Variants in CHN2 observed in about 807,000 individuals in gnomAD.
The protein encoded by CHN2 is beta-chimaerin.
In CHN2, 35 loss-of-function variants were observed where a neutral mutation model predicts 56.3. The ratio of observed to expected loss-of-function variants is 0.62; its 90% CI spans 0.47 to 0.82. The LOEUF (loss-of-function observed/expected upper bound fraction) is 0.82, where lower values mean the gene tolerates loss of function less well. CHN2 is among the 40% of genes least tolerant of loss of function. The pLI, the probability that CHN2 is intolerant of heterozygous loss-of-function variation, is 0.00. For synonymous variants in CHN2, 210 were observed against 212.8 expected, an observed-to-expected ratio of 0.99 and a Z score of 0.12; for missense variants, 491 against 580.5, an observed-to-expected ratio of 0.85 and a Z score of 1.58.
chr7:29,164,786 A>G (rs1795684776), intron 2 of CHN2, among the ~76,000 whole-genome samples: 1 of 151,458 alleles, frequency 6.6e-6, no homozygotes, highest in Admixed American at 6.6e-5. Flanking sequence ...TCTCAAAAAA[A>G]AAAAAAAAAA....
intron 5 of CHN2, 111 bp downstream of exon 5, chr7:29,398,597 T>C (rs1220354573): frequency 5.7e-6 from 4 of 701,850 alleles, no homozygotes; most frequent in Non-Finnish European, 9.8e-6. Flanking sequence ...TCATCATTTT[T>C]CCCATGTTTA....
intron 6 of CHN2, among the ~76,000 whole-genome samples, chr7:29,461,724 C>T (rs1785172434): frequency 6.6e-6 from 1 of 152,106 alleles, no homozygotes; most frequent in African/African-American, 2.4e-5. Context: ...ACTCTGGATG[C>T]CCAGAGCCTA....
At chr7:29,198,262 C>T (rs888213219) in intron 1 of CHN2, among the ~76,000 whole-genome samples, 3 of 152,110 alleles carry the variant, frequency 2.0e-5, no homozygotes, top group African/African-American at 4.8e-5. Flanking sequence ...GGAATAGCTG[C>T]GGGAGATTTA....
intron 4 of CHN2, among the ~76,000 whole-genome samples, chr7:29,394,833 C>G (rs1326385597): frequency 6.6e-6 from 1 of 152,130 alleles, no homozygotes; most frequent in Non-Finnish European, 1.5e-5. Context: ...TATGCATTTT[C>G]TTTTTGCAGA....
At chr7:29,458,289 C>G (rs1585463364) in intron 6 of CHN2, among the ~76,000 whole-genome samples, 1 of 152,080 alleles carries the variant, frequency 6.6e-6, no homozygotes, top group East Asian at 1.9e-4. Context: ...CCATTTGAAT[C>G]TCTGAACTAT....
chr7:29,437,134 A>G (rs1408980366), intron 6 of CHN2, among the ~76,000 whole-genome samples: 1 of 152,076 alleles, frequency 6.6e-6, no homozygotes, highest in Non-Finnish European at 1.5e-5. Flanking sequence ...TAAATTTTAA[A>G]TTTTTCAGTA....
intron 1 of CHN2, among the ~76,000 whole-genome samples, chr7:29,217,302 A>G (rs1239452165): frequency 6.6e-6 from 1 of 152,224 alleles, no homozygotes; most frequent in Non-Finnish European, 1.5e-5. Context: ...GTAATTATGT[A>G]AGACTCAGCA....
intron 6 of CHN2, among the ~76,000 whole-genome samples, chr7:29,455,870 C>A (rs1253770255): frequency 2.0e-5 from 3 of 152,168 alleles, no homozygotes; most frequent in Non-Finnish European, 4.4e-5. Context: ...AGCCCCACTC[C>A]TCAGCTCACC....
chr7:29,422,142 A>AT (rs1046979552), intron 6 of CHN2, among the ~76,000 whole-genome samples: 1 of 152,100 alleles, frequency 6.6e-6, no homozygotes, highest in African/African-American at 2.4e-5. Context: ...CCAAGTGAGG[A>AT]TTTTTTTAAT....
chr7:29,279,002 C>T (rs576002851), intron 1 of CHN2, among the ~76,000 whole-genome samples: 1 of 152,156 alleles, frequency 6.6e-6, no homozygotes, highest in Non-Finnish European at 1.5e-5. Context: ...GCTGTCCCCC[C>T]CCAACCCCCA....
At chr7:29,496,733 C>T (rs181629589) in intron 8 of CHN2, among the ~76,000 whole-genome samples, 1 of 152,244 alleles carries the variant, frequency 6.6e-6, no homozygotes, top group African/African-American at 2.4e-5. Flanking sequence ...AGGTATACAC[C>T]TATTGCTAAC....
At chr7:29,231,149 T>A (rs781514038) in intron 1 of CHN2, among the ~76,000 whole-genome samples, 5 of 152,150 alleles carry the variant, frequency 3.3e-5, no homozygotes, top group Non-Finnish European at 7.3e-5. Flanking sequence ...TGTGCTTGCT[T>A]TGGGGAAAAA....
intron 1 of CHN2, among the ~76,000 whole-genome samples, chr7:29,296,026 C>T (rs924771827): frequency 1.6e-4 from 25 of 151,732 alleles, no homozygotes; most frequent in Non-Finnish European, 3.5e-4. Context: ...GTTGTAGCTG[C>T]GAAGCCCTAG....
intron 1 of CHN2, among the ~76,000 whole-genome samples, chr7:29,226,219 A>G (rs902773353): frequency 3.3e-5 from 5 of 152,226 alleles, no homozygotes; most frequent in African/African-American, 7.2e-5. Context: ...TTTTAAAATG[A>G]TCTTTCAGAA....
chr7:29,445,958 C>T (rs556285116), intron 6 of CHN2, among the ~76,000 whole-genome samples: 2 of 151,926 alleles, frequency 1.3e-5, no homozygotes, highest in African/African-American at 2.4e-5. Flanking sequence ...AGTGGCTACT[C>T]GTGCAGCTCT....
rs139339698 is a variant in CHN2, at chr7:29,514,266, G to C, written c.*1531G>C. On this transcript the variant is annotated 3_prime_UTR_variant, in exon 13 of 13. Coordinates refer to ENST00000222792, the MANE Select transcript of CHN2 (RefSeq NM_004067.4). ...TATTTTGTGAAGTGAACAATACTTT[G>C]TAATTTATGATAGTGTAAATGGAAG... 168 of 152,690 alleles carry C rather than the reference G, an allele frequency of 1.1e-3. 1 individual carries two copies. Among genetic ancestry groups the C allele is most frequent in the African/African-American group, 3.9e-3 (160 of 41,548 alleles). 9.5% of individuals were successfully genotyped at this position (152,690 alleles called of 1,614,324 possible).
chr7:29,382,862 A>G (rs1800624579), intron 3 of CHN2, among the ~76,000 whole-genome samples: 1 of 152,184 alleles, frequency 6.6e-6, no homozygotes, highest in Admixed American at 6.5e-5. Context: ...TAACCCCACC[A>G]AATAATATCC....
chr7:29,368,594 A>G (rs1322810576), intron 3 of CHN2, among the ~76,000 whole-genome samples: 1 of 152,176 alleles, frequency 6.6e-6, no homozygotes, highest in Non-Finnish European at 1.5e-5. Context: ...CTTCAAATCA[A>G]AGGCCCATGG....
At chr7:29,441,835 G>A (rs1311161730) in intron 6 of CHN2, among the ~76,000 whole-genome samples, 1 of 152,172 alleles carries the variant, frequency 6.6e-6, no homozygotes, top group Non-Finnish European at 1.5e-5. Context: ...GCTGGTGGAA[G>A]TGTAAATTGG....
Sources: gnomAD v4.1 joint callset for allele counts (sites outside exome capture counted in the v4.1 genomes callset) on GRCh38, gnomAD v4.1.1 for gene constraint, MANE v1.5 for transcripts, NCBI Gene and HGNC (gene_info 2026-07-23, HGNC 2026-07-21) for gene names.